The following CDKAL1 variants were observed in gnomAD, a reference collection of about 807,000 sequenced individuals.
CDKAL1 encodes CDKAL1 threonylcarbamoyladenosine tRNA methylthiotransferase.
Under a neutral mutation model 68.2 loss-of-function variants are expected in CDKAL1, and 32 were observed. The observed-to-expected ratio is 0.47, with a 90% confidence interval of 0.35 to 0.63. The LOEUF is 0.63. CDKAL1 is among the 30% of genes least tolerant of loss of function. The pLI, the probability that CDKAL1 is intolerant of heterozygous loss-of-function variation, is 0.00. For synonymous variants in CDKAL1, 234 were observed against 244.3 expected (o/e 0.96, Z 0.39); for missense variants, 606 against 696.7 (o/e 0.87, Z 1.47).
intron 9 of CDKAL1, among the ~76,000 whole-genome samples, chr6:20,852,036 C>T (rs374520171): frequency 2.0e-5 from 3 of 152,038 alleles, no homozygotes; most frequent in African/African-American, 7.2e-5. Flanking sequence ...TTCATATGTG[C>T]TGTATTCAAT....
Position 20,712,463 on chromosome 6 carries a change from A to G in CDKAL1, c.372-27056A>G, listed in dbSNP as rs1581427812. Among the ~76,000 whole-genome samples, 3 of 151,904 alleles carry G rather than the reference A, an allele frequency of 2.0e-5. No individual in the cohort carries two copies. In the South Asian group the frequency reaches 6.3e-4, roughly 32 times the overall value. ...CTATTTTAAGGAAAGTTTTAGGACAAATGTTGGCTTCAATACCTAATCAGT... is the reference window on the plus strand; with the variant it reads ...CTATTTTAAGGAAAGTTTTAGGACAGATGTTGGCTTCAATACCTAATCAGT... On this transcript the variant is annotated intron_variant, in intron 5 of 15. Coordinates refer to ENST00000274695, the MANE Select transcript of CDKAL1 (RefSeq NM_017774.3).
chr6:20,869,777 TATC>T (rs755770254), intron 9 of CDKAL1, among the ~76,000 whole-genome samples: 17 of 152,294 alleles, frequency 1.1e-4, no homozygotes, highest in Middle Eastern at 3.4e-3. Context: ...TGAATATTAA[TATC>T]ATGAAACATT....
At position 21,223,521 on chromosome 6, in the gene CDKAL1, C is replaced by G. The variant is rs769088279; in HGVS notation, c.1549-7327C>G. Among the ~76,000 whole-genome samples the G allele has an allele frequency of 1.6e-4, 24 of 152,120 alleles. 1 individual carries two copies. Among genetic ancestry groups the G allele is most frequent in the Non-Finnish European group, 2.2e-4 (15 of 68,022 alleles). On this transcript the variant is annotated intron_variant, in intron 15 of 15. Coordinates refer to ENST00000274695, the MANE Select transcript of CDKAL1 (RefSeq NM_017774.3). ...TGCTTCTGGTTCTCCAGCCAGGTACCATATTACAACTTATCAATATTTTGT... is the reference window on the plus strand; with the variant it reads ...TGCTTCTGGTTCTCCAGCCAGGTACGATATTACAACTTATCAATATTTTGT...
At chr6:21,014,042 G>A (rs762164270) in intron 11 of CDKAL1, among the ~76,000 whole-genome samples, 4 of 152,088 alleles carry the variant, frequency 2.6e-5, no homozygotes, top group Non-Finnish European at 5.9e-5. Flanking sequence ...CAACCTCCAC[G>A]TCTGCATTCC....
chr6:20,683,811 T>TTCA (rs1424025689), intron 5 of CDKAL1, among the ~76,000 whole-genome samples: 2 of 152,226 alleles, frequency 1.3e-5, no homozygotes, highest in Non-Finnish European at 2.9e-5. Flanking sequence ...ATGACATGTA[T>TTCA]CCACCATTAT....
At chr6:20,928,204 TG>T (rs1159158344) in intron 9 of CDKAL1, among the ~76,000 whole-genome samples, 2 of 152,160 alleles carry the variant, frequency 1.3e-5, no homozygotes, top group Non-Finnish European at 2.9e-5. Context: ...AAAGGTATCA[TG>T]GAAGGGGGAA....
At chr6:20,928,628 G>C (rs540465368) in intron 9 of CDKAL1, among the ~76,000 whole-genome samples, 98 of 149,802 alleles carry the variant, frequency 6.5e-4, no homozygotes, top group African/African-American at 2.3e-3. Context: ...AGTATTGAAA[G>C]AACTACAATT....
rs1289309302 is a variant in CDKAL1, at chr6:20,546,487, A to C, written c.137A>C (p.Tyr46Ser). Reference protein sequence around the residue: ...PKVRRRNTQKYLQEEENSPPS... With the variant: ...PKVRRRNTQKSLQEEENSPPS... The stretch of plus-strand genomic sequence containing the variant: ...GTACGAAGGCGAAATACCCAAAAAT[A>C]TTTGCAAGAGGAAGAAAACAGTCCA... The change falls in exon 3 of 16, where the codon TAT becomes TCT. Residue 46 changes from tyrosine to serine, a missense_variant. Transcript: ENST00000274695. The C allele has an allele frequency of 6.2e-7, 1 of 1,614,008 alleles. No homozygotes were observed. The highest frequency in any genetic ancestry group is 2.2e-5 in the East Asian group (1 of 44,882).
intron 5 of CDKAL1, among the ~76,000 whole-genome samples, chr6:20,691,340 T>C (rs1176082450): frequency 6.6e-6 from 1 of 151,814 alleles, no homozygotes; most frequent in East Asian, 1.9e-4. Flanking sequence ...ACAGATGGCA[T>C]GGTGGGGCCA....
chr6:20,562,964 T>TA (rs1343837700), intron 4 of CDKAL1, among the ~76,000 whole-genome samples: 2 of 152,216 alleles, frequency 1.3e-5, no homozygotes, highest in Non-Finnish European at 2.9e-5. Context: ...ATGTAGTGCT[T>TA]ATGGCTCATC....
At chr6:21,168,970 T>G (rs770271727) in intron 13 of CDKAL1, among the ~76,000 whole-genome samples, 6 of 152,178 alleles carry the variant, frequency 3.9e-5, no homozygotes, top group Non-Finnish European at 8.8e-5. Context: ...TTAAGGTAGA[T>G]ACACCTCCTG....
chr6:21,011,952 A>G (rs1006455417), intron 11 of CDKAL1, among the ~76,000 whole-genome samples: 1 of 152,188 alleles, frequency 6.6e-6, no homozygotes, highest in African/African-American at 2.4e-5. Flanking sequence ...ATAAAAAAAA[A>G]GTTTATTTCT....
chr6:21,098,323 A>G (rs1773414299), intron 12 of CDKAL1, among the ~76,000 whole-genome samples: 1 of 152,166 alleles, frequency 6.6e-6, no homozygotes, highest in Non-Finnish European at 1.5e-5. Context: ...GGATCAAGTG[A>G]TTTAACTATA....
intron 4 of CDKAL1, among the ~76,000 whole-genome samples, chr6:20,565,246 G>T (rs1360360765): frequency 4.6e-5 from 7 of 152,046 alleles, no homozygotes; most frequent in Non-Finnish European, 8.8e-5. Flanking sequence ...TACTTTTGTT[G>T]TGGGGGTAAG....
At chr6:21,057,955 G>C (rs923705645) in intron 11 of CDKAL1, among the ~76,000 whole-genome samples, 1 of 152,212 alleles carries the variant, frequency 6.6e-6, no homozygotes, top group Non-Finnish European at 1.5e-5. Flanking sequence ...TTTAGAGTAA[G>C]TGCCATGTGG....
At chr6:21,017,550 C>G (rs1467921617) in intron 11 of CDKAL1, among the ~76,000 whole-genome samples, 1 of 152,184 alleles carries the variant, frequency 6.6e-6, no homozygotes, top group Admixed American at 6.5e-5. Context: ...TCAGTACATA[C>G]AGCCTGCTAC....
chr6:21,117,062 C>G (rs1251320595), intron 13 of CDKAL1, among the ~76,000 whole-genome samples: 1 of 152,160 alleles, frequency 6.6e-6, no homozygotes, highest in Non-Finnish European at 1.5e-5. Flanking sequence ...TCCCCATTCT[C>G]TTTCTCTCTT....
intron 9 of CDKAL1, among the ~76,000 whole-genome samples, chr6:20,903,450 G>A (rs530115593): frequency 3.9e-5 from 6 of 152,278 alleles, no homozygotes; most frequent in South Asian, 2.1e-4. Flanking sequence ...AGTGTTCAGC[G>A]ATCTCGATGT....
rs535121362 is a variant in CDKAL1, at chr6:21,048,803, T to A, written c.1056-16245T>A. On this transcript the variant is annotated intron_variant, in intron 11 of 15. Coordinates refer to ENST00000274695, the MANE Select transcript of CDKAL1 (RefSeq NM_017774.3). ...AAGAATGCCATGATCTGGGTTTCAGTCTCTAAGTGGTTTTTTTTCAAGGTT... is the reference window on the plus strand; with the variant it reads ...AAGAATGCCATGATCTGGGTTTCAGACTCTAAGTGGTTTTTTTTCAAGGTT... Among the ~76,000 whole-genome samples, 5 of 152,218 alleles carry A rather than the reference T, an allele frequency of 3.3e-5. No homozygotes were observed. In the East Asian group the frequency reaches 9.7e-4, roughly 29 times the overall value.
Sources: allele counts gnomAD v4.1 joint callset (sites outside exome capture counted in the v4.1 genomes callset), GRCh38; gene constraint gnomAD v4.1.1; transcripts MANE v1.5; gene names NCBI Gene and HGNC (gene_info 2026-07-23, HGNC 2026-07-21).